Variants in SMG6 observed in about 807,000 individuals in gnomAD.
SMG6 encodes telomerase-binding protein EST1A.
Under a neutral mutation model 142.2 loss-of-function variants are expected in SMG6, and 66 were observed. That is an observed-to-expected ratio of 0.46 (90% CI 0.38 to 0.57). SMG6 has a LOEUF of 0.57. Among genes scored for constraint, SMG6 ranks in the 20% least tolerant of loss-of-function variants. The pLI is 0.00. For synonymous variants in SMG6, 779 were observed against 702.4 expected (o/e 1.11, Z -1.72); for missense variants, 1,793 against 1,832.0 (o/e 0.98, Z 0.39).
intron 13 of SMG6, among the ~76,000 whole-genome samples, chr17:2,104,650 AT>A (rs60556935): frequency 0.3 from 46,283 of 151,782 alleles, 8,193 homozygotes; most frequent in African/African-American, 0.49. Flanking sequence ...TAAATATCCC[AT>A]TTTACTGGGA....
chr17:2,164,924 G>A (rs1282549343), intron 13 of SMG6, among the ~76,000 whole-genome samples: 3 of 151,602 alleles, frequency 2.0e-5, no homozygotes, highest in Non-Finnish European at 2.9e-5. Flanking sequence ...GCGACAGAGC[G>A]AGACTCCATC....
Position 2,303,670 on chromosome 17 carries a change from C to G in SMG6, c.51G>C (p.Gly17=). Residue 17 remains glycine (G), a synonymous_variant, in exon 1 of 19, where the codon GGG becomes GGC. Coordinates refer to ENST00000263073, the MANE Select transcript of SMG6 (RefSeq NM_017575.5). ...RVRISASELR[G]ILATLAPQAG... ...CCTGCGGGGCCAGAGTAGCCAGGAT[C>G]CCGCGCAGCTCCGACGCGGAGATCC... 1 of 1,493,946 alleles carries G rather than the reference C, an allele frequency of 6.7e-7. No individual in the cohort carries two copies. The highest frequency in any genetic ancestry group is 1.3e-5 in the South Asian group (1 of 79,878). 92.5% of individuals were successfully genotyped at this position (1,493,946 alleles called of 1,614,324 possible).
chr17:2,286,312 A>G (rs867244237), intron 6 of SMG6, among the ~76,000 whole-genome samples: 3 of 151,500 alleles, frequency 2.0e-5, no homozygotes, highest in South Asian at 2.1e-4. Flanking sequence ...ATGGCCAAAA[A>G]AAAAAAAAAA....
rs147655211 is a variant in SMG6 at position 2,182,458 on chromosome 17, G to A, written c.3155+4205C>T. On this transcript the variant is annotated intron_variant, in intron 12 of 18. Coordinates refer to ENST00000263073, the MANE Select transcript of SMG6 (RefSeq NM_017575.5). ...CACACCGTTACAGAGCTAGAGGTGG[G>A]GAGGGCATGGGGAGACTGAGATTAA... 1.5e-3 allele frequency among the ~76,000 whole-genome samples: 236 copies of A among 152,294 alleles called. 2 individuals are homozygous for A. Among genetic ancestry groups the A allele is most frequent in the African/African-American group, 5.4e-3 (223 of 41,556 alleles).
rs200252464 is a variant in SMG6, at chr17:2,068,966, G to A, written c.3682-35C>T. 4.4e-6 allele frequency: 7 copies of A among 1,608,080 alleles called. No individual in the cohort carries two copies. The highest frequency in any genetic ancestry group is 2.2e-5 in the East Asian group (1 of 44,784). On this transcript the variant is annotated intron_variant, in intron 15 of 18. Transcript: ENST00000263073. This position sits in a 1 kb window ranked among gnomAD's most constrained non-coding sequence, Gnocchi z 6.7. Reference sequence around the variant, plus strand: ...CAGAGTGGTGAATGAGCCAGACAGCGAGCAGGCAAGCAGGTGGGTGAGCCA... The same window carrying A: ...CAGAGTGGTGAATGAGCCAGACAGCAAGCAGGCAAGCAGGTGGGTGAGCCA...
chr17:2,113,642 A>C (rs967561872), intron 13 of SMG6, among the ~76,000 whole-genome samples: 1 of 152,198 alleles, frequency 6.6e-6, no homozygotes, highest in Non-Finnish European at 1.5e-5. Context: ...GATCATCTAA[A>C]ACCCATGGCC....
At chr17:2,140,114 G>A (rs1271204718) in intron 13 of SMG6, among the ~76,000 whole-genome samples, 3 of 152,088 alleles carry the variant, frequency 2.0e-5, no homozygotes, top group Non-Finnish European at 2.9e-5. Context: ...CCATGCTGGA[G>A]TGCAGTAGTG....
chr17:2,167,076 G>A (rs933834540), intron 13 of SMG6, among the ~76,000 whole-genome samples: 4 of 129,186 alleles, frequency 3.1e-5, no homozygotes, highest in African/African-American at 1.2e-4. Context: ...GGGGTGCAGT[G>A]AGCCGAGATC....
At position 2,303,740 on chromosome 17, in the gene SMG6, G is replaced by A. The variant is rs931794975; in HGVS notation, c.-20C>T. The A allele has an allele frequency of 1.3e-5, 19 of 1,484,758 alleles. No individual in the cohort carries two copies. Among genetic ancestry groups the A allele is most frequent in the Non-Finnish European group, 1.5e-5 (17 of 1,123,890 alleles). The allele number at this position is 1,484,758 out of a possible 1,614,324, so 92.0% of individuals were successfully genotyped here. ...CGCCATCTTCGCGGCTGCTGCTACA[G>A]CCGTAGCGGCTCCGCCACCGCCGCG... On this transcript the variant is annotated 5_prime_UTR_variant, in exon 1 of 19. Coordinates refer to ENST00000263073, the MANE Select transcript of SMG6 (RefSeq NM_017575.5).
intron 4 of SMG6, among the ~76,000 whole-genome samples, chr17:2,294,227 C>G (rs1346441196): frequency 6.6e-6 from 1 of 152,182 alleles, no homozygotes; most frequent in Non-Finnish European, 1.5e-5. Context: ...TCACATACCC[C>G]AAGTCCTAAC....
chr17:2,220,613 C>G (rs2073145081), intron 10 of SMG6, among the ~76,000 whole-genome samples: 1 of 152,180 alleles, frequency 6.6e-6, no homozygotes, highest in Non-Finnish European at 1.5e-5. Flanking sequence ...CTGGGCAACA[C>G]AGTGAATATA....
chr17:2,299,956 T>C lies in SMG6; in HGVS notation c.797A>G (p.Asn266Ser). The C allele has an allele frequency of 1.9e-6, 3 of 1,614,094 alleles. No individual in the cohort carries two copies. Among genetic ancestry groups the C allele is most frequent in the Non-Finnish European group, 2.5e-6 (3 of 1,180,022 alleles). Reference sequence around the variant, plus strand: ...CGTCAGGCCAGCTCCCTCAGCGCTGTTGTTGCTGCCAGCTGAGCTGGTGCT... The same window carrying C: ...CGTCAGGCCAGCTCCCTCAGCGCTGCTGTTGCTGCCAGCTGAGCTGGTGCT... ...TRSTSSAGSN[N>S]SAEGAGLTDN... Residue 266 changes from asparagine to serine, a missense_variant, in exon 2 of 19, where the codon AAC becomes AGC. Physicochemically the swap from Asn to Ser is conservative, Grantham distance 46. Coordinates refer to ENST00000263073, the MANE Select transcript of SMG6 (RefSeq NM_017575.5). This position sits in a 1 kb window ranked among gnomAD's most constrained non-coding sequence, Gnocchi z 4.3.
chr17:2,262,293 A>G (rs1269970699), intron 8 of SMG6, among the ~76,000 whole-genome samples: 1 of 152,250 alleles, frequency 6.6e-6, no homozygotes, highest in Non-Finnish European at 1.5e-5. Context: ...AGAGTGAGTC[A>G]ACCTTTGCTA....
chr17:2,065,545 AAG>A lies in SMG6; in HGVS notation c.3968_3969del (p.Ser1323LeufsTer11). On this transcript the variant is annotated frameshift_variant, in exon 17 of 19. Transcript: ENST00000263073. LOFTEE classifies it high-confidence loss of function. ...CCACGGCTGGTCAGGGCTCGCAGGC[AAG>A]AGTCCCGACTCTCGAATCGCTGCTC... ...FLEQRFESRD[S>X]CLRALTSRGN... The A allele has an allele frequency of 6.2e-7, 1 of 1,614,054 alleles. No individual in the cohort carries two copies. The highest frequency in any genetic ancestry group is 8.5e-7 in the Non-Finnish European group (1 of 1,180,014).
chr17:2,169,001 C>T (rs1269978987), intron 13 of SMG6, among the ~76,000 whole-genome samples: 2 of 151,858 alleles, frequency 1.3e-5, no homozygotes, highest in African/African-American at 4.8e-5. Context: ...CTGCCTCGGC[C>T]TCCCAAAGTG....
At chr17:2,065,255 C>T (rs1597319417) in intron 17 of SMG6, 101 bp from the exon 18 acceptor site, 3 of 1,092,658 alleles carry the variant, frequency 2.7e-6, no homozygotes, top group East Asian at 2.4e-5. Context: ...GCAGGGCCAC[C>T]TCCCCGATCC....
At chr17:2,180,499 T>G (rs543954562) in intron 12 of SMG6, among the ~76,000 whole-genome samples, 1 of 152,306 alleles carries the variant, frequency 6.6e-6, no homozygotes, top group South Asian at 2.1e-4. Context: ...CATGCCCACA[T>G]GCCCAGCAAT....
chr17:2,275,374 ATCACGCCGCTGCACTC>A (rs2074626896), intron 8 of SMG6, among the ~76,000 whole-genome samples: 1 of 152,214 alleles, frequency 6.6e-6, no homozygotes, highest in East Asian at 1.9e-4. Context: ...GTGAGCTGAG[ATCACGCCGCTGCACTC>A]CAGCCTGGGA....
rs575499883 is a variant in SMG6, at chr17:2,068,456, A to C, written c.3835+322T>G. 1.2e-4 allele frequency among the ~76,000 whole-genome samples: 19 copies of C among 152,326 alleles called. No individual in the cohort carries two copies. The highest frequency in any genetic ancestry group is 2.2e-4 in the Non-Finnish European group (15 of 68,026). On this transcript the variant is annotated intron_variant, in intron 16 of 18. Coordinates refer to ENST00000263073, the MANE Select transcript of SMG6 (RefSeq NM_017575.5). This position sits in a 1 kb window ranked among gnomAD's most constrained non-coding sequence, Gnocchi z 6.7. Reference sequence around the variant, plus strand: ...CGTTATCTGCCAGGGCTGAGTGTTTACCAATAACGGGAACCAGCTTTGCTG... The same window carrying C: ...CGTTATCTGCCAGGGCTGAGTGTTTCCCAATAACGGGAACCAGCTTTGCTG...
Sources: gnomAD v4.1 joint callset for allele counts (sites outside exome capture counted in the v4.1 genomes callset) on GRCh38, gnomAD v4.1.1 for gene constraint, Gnocchi (gnomAD v3.1) non-coding constraint, MANE v1.5 for transcripts, NCBI Gene and HGNC (gene_info 2026-07-23, HGNC 2026-07-21) for gene names.